COX10: variants seen among roughly 807,000 people sequenced by gnomAD.
The protein encoded by COX10 is cytochrome c oxidase assembly factor heme A:farnesyltransferase COX10.
In COX10, 27 loss-of-function variants were observed where a neutral mutation model predicts 37.3. The observed-to-expected ratio is 0.72, with a 90% CI of 0.53 to 1.00. The LOEUF is 1.00. Among genes scored for constraint, COX10 ranks in the 50% least tolerant of loss-of-function variants. The probability of loss-of-function intolerance (pLI) is 0.00; values close to 1 mark genes in which losing one functional copy is unlikely to be tolerated. For missense variants in COX10, 475 were observed against 563.2 expected (o/e 0.84, Z 1.59); for synonymous variants, 222 against 229.1 (o/e 0.97, Z 0.28).
rs141811313 is a variant in COX10, at chr17:14,163,092, C to G, written c.695+3145C>G. ...TGACTGGTTTGAAAATAATCATGTG[C>G]GTGTTAGGATAAGATGACATGAAAT... On this transcript the variant is annotated intron_variant, in intron 5 of 6. Coordinates refer to ENST00000261643, the MANE Select transcript of COX10 (RefSeq NM_001303.4). Among the ~76,000 whole-genome samples the G allele has an allele frequency of 3.8e-3, 581 of 152,188 alleles. 4 individuals carry two copies. The highest frequency in any genetic ancestry group is 0.012 in the African/African-American group (498 of 41,516).
At chr17:14,205,772 T>G (rs1906680796) in intron 6 of COX10, among the ~76,000 whole-genome samples, 1 of 152,194 alleles carries the variant, frequency 6.6e-6, no homozygotes, top group African/African-American at 2.4e-5. Context: ...TGCCTAATTT[T>G]TTTTTTCACT....
chr17:14,113,334 A>C (rs950509360), intron 4 of COX10, among the ~76,000 whole-genome samples: 5 of 151,076 alleles, frequency 3.3e-5, no homozygotes, highest in African/African-American at 4.9e-5. Context: ...TCCTCCCTTC[A>C]CTCTCATACC....
chr17:14,086,253 A>G (rs1018418689), intron 3 of COX10, among the ~76,000 whole-genome samples: 1 of 152,056 alleles, frequency 6.6e-6, no homozygotes, highest in Non-Finnish European at 1.5e-5. Flanking sequence ...TTGTAAATAC[A>G]GTATTTATCT....
At position 14,102,165 on chromosome 17, in the gene COX10, C is replaced by T; in HGVS notation, c.547C>T (p.Pro183Ser). Residue 183 changes from proline (P) to serine (S), a missense_variant, in exon 4 of 7, where the codon CCT becomes TCT. Around this residue, in one of 5 missense-constraint regions of COX10, gnomAD observed 242 missense variants for 242.5 expected, o/e 1.00. Coordinates refer to ENST00000261643, the MANE Select transcript of COX10 (RefSeq NM_001303.4). ...TAAGFALAPG[P>S]FDWPCFLLTS... ...AGCTGGATTTGCATTGGCTCCGGGC[C>T]CTTTTGACTGGCCCTGTTTCCTGCT... The T allele has an allele frequency of 1.9e-6, 3 of 1,613,690 alleles. No homozygotes were observed. The highest frequency in any genetic ancestry group is 2.5e-6 in the Non-Finnish European group (3 of 1,179,754).
intron 4 of COX10, among the ~76,000 whole-genome samples, chr17:14,158,758 A>G (rs1905108492): frequency 6.6e-6 from 1 of 152,182 alleles, no homozygotes; most frequent in Non-Finnish European, 1.5e-5. Context: ...TGATTTGACC[A>G]TAGAGTCGTT....
At position 14,203,236 on chromosome 17, in the gene COX10, A is replaced by C. The variant is rs539439674; in HGVS notation, c.929-3574A>C. ...ATGAGCTAAGATTTATACATATATA[A>C]ATTTTATATATATATGTATAAAATT... On this transcript the variant is annotated intron_variant, in intron 6 of 6. Transcript: ENST00000261643. Among the ~76,000 whole-genome samples, 175 of 152,016 alleles carry C rather than the reference A, an allele frequency of 1.2e-3. 1 individual carries two copies. Among genetic ancestry groups the C allele is most frequent in the African/African-American group, 4.1e-3 (169 of 41,510 alleles).
chr17:14,111,300 C>G (rs1916002475), intron 4 of COX10, among the ~76,000 whole-genome samples: 2 of 152,104 alleles, frequency 1.3e-5, no homozygotes, highest in Middle Eastern at 3.2e-3. Flanking sequence ...AAATTTCACT[C>G]TGGCATTTCC....
Position 14,175,048 on chromosome 17 carries a change from G to A in COX10, c.695+15101G>A, listed in dbSNP as rs867957520. Reference sequence around the variant, plus strand: ...TGACATTTTGGAAAGCCAAAACTAGGCACAGAAGTAAGATCAGTGGTTACT... The same window carrying A: ...TGACATTTTGGAAAGCCAAAACTAGACACAGAAGTAAGATCAGTGGTTACT... On this transcript the variant is annotated intron_variant, in intron 5 of 6. Coordinates refer to ENST00000261643, the MANE Select transcript of COX10 (RefSeq NM_001303.4). Among the ~76,000 whole-genome samples the A allele has an allele frequency of 7.2e-5, 6 of 83,350 alleles. 1 individual carries two copies. Among genetic ancestry groups the A allele is most frequent in the African/African-American group, 2.2e-4 (6 of 26,724 alleles). 54.7% of individuals were successfully genotyped at this position (83,350 alleles called of 152,430 possible).
intron 3 of COX10, among the ~76,000 whole-genome samples, chr17:14,082,058 G>C (rs1040008096): frequency 2.0e-5 from 3 of 152,190 alleles, no homozygotes; most frequent in East Asian, 3.9e-4. Context: ...GAAGAACCAG[G>C]GGTCTTCAGC....
chr17:14,202,406 T>C (rs1376723263), intron 6 of COX10, among the ~76,000 whole-genome samples: 1 of 151,878 alleles, frequency 6.6e-6, no homozygotes, highest in Non-Finnish European at 1.5e-5. Flanking sequence ...AGAGATGGGG[T>C]CTTGCTGTGT....
chr17:14,101,997 C>A, intron 3 of COX10, 121 bp from the exon 4 acceptor site: 3 of 1,241,236 alleles, frequency 2.4e-6, no homozygotes, highest in Non-Finnish European at 3.5e-6. Flanking sequence ...TCAGCCTGTA[C>A]TTTGTGTTAT....
At chr17:14,185,717 C>G (rs1284417417) in intron 5 of COX10, among the ~76,000 whole-genome samples, 2 of 143,788 alleles carry the variant, frequency 1.4e-5, no homozygotes, top group Non-Finnish European at 3.0e-5. Context: ...TCATTGTATA[C>G]AAATATTCTA....
intron 4 of COX10, among the ~76,000 whole-genome samples, chr17:14,109,585 G>A (rs1219716855): frequency 6.6e-6 from 1 of 152,150 alleles, no homozygotes; most frequent in East Asian, 1.9e-4. Context: ...GAAGCTTAAT[G>A]GTACTATTGA....
At chr17:14,171,041 A>T (rs1905450326) in intron 5 of COX10, among the ~76,000 whole-genome samples, 1 of 152,156 alleles carries the variant, frequency 6.6e-6, no homozygotes, top group Non-Finnish European at 1.5e-5. Flanking sequence ...TTTTCAAAGG[A>T]TGGGGAGAAG....
At chr17:14,114,009 T>A (rs1455734907) in intron 4 of COX10, among the ~76,000 whole-genome samples, 1 of 152,200 alleles carries the variant, frequency 6.6e-6, no homozygotes, top group Admixed American at 6.6e-5. Flanking sequence ...TACTCAGTTG[T>A]CTGAGGTCAG....
At chr17:14,118,231 G>C (rs1341878752) in intron 4 of COX10, among the ~76,000 whole-genome samples, 1 of 151,978 alleles carries the variant, frequency 6.6e-6, no homozygotes, top group Non-Finnish European at 1.5e-5. Context: ...TCCTCATTTA[G>C]GTCCATGGAC....
chr17:14,096,624 C>A (rs969037680), intron 3 of COX10, among the ~76,000 whole-genome samples: 11 of 152,246 alleles, frequency 7.2e-5, no homozygotes, highest in African/African-American at 2.6e-4. Flanking sequence ...CCCACCTCAG[C>A]CTCCCAAAGT....
intron 4 of COX10, among the ~76,000 whole-genome samples, chr17:14,109,095 G>A (rs1362249847): frequency 1.3e-5 from 2 of 152,144 alleles, no homozygotes; most frequent in African/African-American, 2.4e-5. Context: ...TGGGCAACTT[G>A]CATTCATTCA....
At chr17:14,199,674 A>C (rs1247018088) in intron 6 of COX10, among the ~76,000 whole-genome samples, 1 of 152,092 alleles carries the variant, frequency 6.6e-6, no homozygotes, top group Non-Finnish European at 1.5e-5. Context: ...TGCCCACTCT[A>C]TTTCCTATTT....
Sources: allele counts gnomAD v4.1 joint callset (sites outside exome capture counted in the v4.1 genomes callset), GRCh38; gene constraint gnomAD v4.1.1; regional missense constraint gnomAD v4.1.1; transcripts MANE v1.5; gene names NCBI Gene and HGNC (gene_info 2026-07-23, HGNC 2026-07-21).